Variants in ANXA8 observed in about 807,000 individuals in gnomAD.
ANXA8 encodes the protein annexin A8.
Under a neutral mutation model 26.8 loss-of-function variants are expected in ANXA8, and 9 were observed. That is an observed-to-expected ratio of 0.34 (90% CI 0.20 to 0.59). The LOEUF (loss-of-function observed/expected upper bound fraction) is 0.59, where lower values mean the gene tolerates loss of function less well. ANXA8 is among the 20% of genes least tolerant of loss of function. The pLI, the probability that ANXA8 is intolerant of heterozygous loss-of-function variation, is 0.84. For missense variants in ANXA8, 83 were observed against 238.5 expected, an observed-to-expected ratio of 0.35 and a Z score of 4.29; for synonymous variants, 39 against 94.8, an observed-to-expected ratio of 0.41 and a Z score of 3.42.
chr10:47,947,304 A>C, the ANXA8 span, among the ~76,000 whole-genome samples: 2 of 138,538 alleles, frequency 1.4e-5, 1 homozygote, highest in East Asian at 5.0e-4. Context: ...TCTCATCTCC[A>C]TGCAATGAGG....
chr10:47,881,837 GGATA>G, the ANXA8 span, among the ~76,000 whole-genome samples: 1 of 147,600 alleles, frequency 6.8e-6, no homozygotes, highest in South Asian at 2.2e-4. Context: ...GTGTGTGTGT[GGATA>G]TTTATGGGTG....
chr10:47,505,432 G>A, the ANXA8 span, among the ~76,000 whole-genome samples: 1 of 129,970 alleles, frequency 7.7e-6, no homozygotes. Context: ...AAAAATTAAT[G>A]TTGTTAAATC....
the ANXA8 span, among the ~76,000 whole-genome samples, chr10:47,681,963 C>G: frequency 1.5e-4 from 21 of 139,570 alleles, no homozygotes; most frequent in Non-Finnish European, 9.2e-5. Flanking sequence ...TGGGCTGAGA[C>G]ATTTTCTAGT....
the ANXA8 span, among the ~76,000 whole-genome samples, chr10:47,951,866 T>C: frequency 6.7e-6 from 1 of 148,306 alleles, no homozygotes; most frequent in African/African-American, 2.5e-5. Flanking sequence ...CCTTAAAATA[T>C]TTCAGTATGT....
At chr10:47,495,937 T>C in the ANXA8 span, among the ~76,000 whole-genome samples, 4 of 151,424 alleles carry the variant, frequency 2.6e-5, no homozygotes, top group Non-Finnish European at 5.9e-5. Flanking sequence ...AAGGAGCAGG[T>C]GGTGCCCGGG....
At chr10:47,958,694 C>T in the ANXA8 span, among the ~76,000 whole-genome samples, 1 of 147,740 alleles carries the variant, frequency 6.8e-6, no homozygotes, top group African/African-American at 2.6e-5. Flanking sequence ...CTTTTTCATG[C>T]TGCTATGAAG....
the ANXA8 span, among the ~76,000 whole-genome samples, chr10:47,507,108 CT>C: frequency 2.2e-5 from 3 of 138,964 alleles, no homozygotes; most frequent in Non-Finnish European, 4.7e-5. Context: ...GTTAACAATA[CT>C]GTTCTCAAGG....
At chr10:47,953,854 C>T in the ANXA8 span, among the ~76,000 whole-genome samples, 6 of 150,556 alleles carry the variant, frequency 4.0e-5, no homozygotes, top group Admixed American at 2.6e-4. Flanking sequence ...CTCATGTCAA[C>T]CCGGTTAAAG....
chr10:47,738,479 T>C, the ANXA8 span, among the ~76,000 whole-genome samples: 1 of 149,318 alleles, frequency 6.7e-6, no homozygotes, highest in Non-Finnish European at 1.5e-5. Flanking sequence ...GGCTTACTAT[T>C]TAAGAAGAGC....
the ANXA8 span, among the ~76,000 whole-genome samples, chr10:47,682,660 G>T: frequency 6.6e-6 from 1 of 151,526 alleles, no homozygotes; most frequent in Non-Finnish European, 1.5e-5. Flanking sequence ...TAGTAGAGAC[G>T]GGGGTTTTGT....
chr10:47,732,916 T>C, the ANXA8 span, among the ~76,000 whole-genome samples: 3 of 148,622 alleles, frequency 2.0e-5, no homozygotes, highest in Non-Finnish European at 4.5e-5. Flanking sequence ...AACAAAATTA[T>C]ATCAGCGCCA....
the ANXA8 span, among the ~76,000 whole-genome samples, chr10:47,733,237 TTCTTTC>T: frequency 1.8e-5 from 1 of 55,894 alleles, no homozygotes; most frequent in African/African-American, 7.4e-5. Context: ...CTTTCTCTCT[TTCTTTC>T]TTTCTTTCTT....
chr10:47,484,436 T>C (rs1167088410), upstream of ANXA8: 70 of 1,152,828 alleles, frequency 6.1e-5, no homozygotes, highest in African/African-American at 8.4e-4. Flanking sequence ...CAACTGCATA[T>C]GCAATATTAT....
At chr10:47,733,144 T>TCCTTC in the ANXA8 span, among the ~76,000 whole-genome samples, 1 of 35,704 alleles carries the variant, frequency 2.8e-5, no homozygotes, top group African/African-American at 1.1e-4. Context: ...AACTCCCTAA[T>TCCTTC]CTTTCTTTCT....
the ANXA8 span, chr10:47,549,251 T>C: frequency 4.0e-6 from 6 of 1,503,688 alleles, no homozygotes; most frequent in East Asian, 1.4e-4. Flanking sequence ...GTAAATAACC[T>C]ACCACAATGC....
the ANXA8 span, among the ~76,000 whole-genome samples, chr10:47,971,237 A>G: frequency 1.1e-4 from 16 of 150,990 alleles, no homozygotes; most frequent in Non-Finnish European, 4.5e-5. Flanking sequence ...CATGACTTTG[A>G]GGCCGTGAGA....
chr10:47,743,401 T>TGA, the ANXA8 span, among the ~76,000 whole-genome samples: 5 of 98,372 alleles, frequency 5.1e-5, no homozygotes, highest in African/African-American at 2.0e-4. Context: ...TGTGTGTGTG[T>TGA]GTGTGAGAGA....
chr10:47,603,662 C>A, the ANXA8 span, among the ~76,000 whole-genome samples: 1 of 149,078 alleles, frequency 6.7e-6, no homozygotes, highest in Admixed American at 6.6e-5. Context: ...CAGGCAGGCA[C>A]CACCACGCCT....
chr10:47,693,605 TA>T, the ANXA8 span, among the ~76,000 whole-genome samples: 1 of 152,018 alleles, frequency 6.6e-6, no homozygotes, highest in African/African-American at 2.4e-5. Flanking sequence ...CAATCTTTTA[TA>T]AAGAGGTAAA....
Sources: allele counts gnomAD v4.1 joint callset (sites outside exome capture counted in the v4.1 genomes callset), GRCh38; gene constraint gnomAD v4.1.1; transcripts MANE v1.5; gene names NCBI Gene and HGNC (gene_info 2026-07-23, HGNC 2026-07-21).